The following TIAM1 variants were observed in gnomAD, a reference collection of about 807,000 sequenced individuals.
The protein encoded by TIAM1 is TIAM Rac1 associated GEF 1.
In TIAM1, 65 loss-of-function variants were observed where a neutral mutation model predicts 163.5. The ratio of observed to expected loss-of-function variants is 0.40; its 90% CI spans 0.33 to 0.49. The LOEUF (loss-of-function observed/expected upper bound fraction) is 0.49, where lower values mean the gene tolerates loss of function less well. TIAM1 is among the 20% of genes least tolerant of loss of function. The pLI is 0.77. For missense variants in TIAM1, 1,789 were observed against 2,044.7 expected, an observed-to-expected ratio of 0.87 and a Z score of 2.41; for synonymous variants, 833 against 810.1, an observed-to-expected ratio of 1.03 and a Z score of -0.48.
At chr21:31,545,918 A>G (rs1601053713) in intron 1 of TIAM1, among the ~76,000 whole-genome samples, 1 of 152,244 alleles carries the variant, frequency 6.6e-6, no homozygotes, top group African/African-American at 2.4e-5. Flanking sequence ...AGTCACACCC[A>G]TTCAAAGATG....
At chr21:31,226,689 T>G (rs2087995836) in intron 6 of TIAM1, among the ~76,000 whole-genome samples, 1 of 152,216 alleles carries the variant, frequency 6.6e-6, no homozygotes, top group Non-Finnish European at 1.5e-5. Context: ...TCGCTATTAA[T>G]GATTCTTTAG....
chr21:31,461,470 A>G (rs1462271477), intron 2 of TIAM1, among the ~76,000 whole-genome samples: 1 of 152,078 alleles, frequency 6.6e-6, no homozygotes, highest in Non-Finnish European at 1.5e-5. Context: ...GGCAACAGAG[A>G]GAGGCCCTCT....
At chr21:31,201,286 C>T (rs1350500250) in intron 12 of TIAM1, among the ~76,000 whole-genome samples, 1 of 152,134 alleles carries the variant, frequency 6.6e-6, no homozygotes, top group Non-Finnish European at 1.5e-5. Context: ...GGCCTTTTCC[C>T]CAGGCCAGAA....
At position 31,182,527 on chromosome 21, in the gene TIAM1, G is replaced by A; in HGVS notation, c.2781C>T (p.Tyr927=). Residue 927 remains tyrosine (Y), a synonymous_variant, in exon 15 of 28, where the codon TAC becomes TAT. Coordinates refer to ENST00000541036, the MANE Select transcript of TIAM1 (RefSeq NM_001353694.2). ...GCTCCACTCCTTCCTCCAGCTCGGG[G>A]TAGGTCCTCACCAGGAGGCCCAGCG... The part of the protein sequence containing the change: ...QPSLGLLVRT[Y]PELEEGVELL... 6.2e-7 allele frequency: 1 copy of A among 1,613,974 alleles called. No individual in the cohort carries two copies. Among genetic ancestry groups the A allele is most frequent in the South Asian group, 1.1e-5 (1 of 91,016 alleles).
At chr21:31,422,994 G>T (rs1344298732) in intron 2 of TIAM1, among the ~76,000 whole-genome samples, 1 of 12,618 alleles carries the variant, frequency 7.9e-5, no homozygotes, top group Non-Finnish European at 1.5e-4. Flanking sequence ...TCTCTTTACT[G>T]TATCACTGTA....
chr21:31,245,762 TA>T, intron 5 of TIAM1, 102 bp from the exon 6 acceptor site: 1 of 1,135,704 alleles, frequency 8.8e-7, no homozygotes, highest in Non-Finnish European at 1.1e-6. Flanking sequence ...GGCTGAAAAT[TA>T]AAGCACGTGG....
intron 2 of TIAM1, among the ~76,000 whole-genome samples, chr21:31,315,099 C>T (rs949840304): frequency 6.6e-6 from 1 of 152,226 alleles, no homozygotes; most frequent in East Asian, 1.9e-4. Flanking sequence ...TGAGGCTGGG[C>T]GTGGTGGCTC....
chr21:31,190,048 A>AAGCTAAC (rs1387817128), intron 13 of TIAM1, among the ~76,000 whole-genome samples: 2 of 152,154 alleles, frequency 1.3e-5, no homozygotes, highest in African/African-American at 2.4e-5. Context: ...CAAATACAGG[A>AAGCTAAC]AGGGATCATG....
Position 31,238,435 on chromosome 21 carries a change from G to A in TIAM1, c.1584+7053C>T, listed in dbSNP as rs375954213. ...AAGGTTTTCAAAACTAAGATCCTAC[G>A]TTGTCACATATAAAAAAGTTTACCT... On this transcript the variant is annotated intron_variant, in intron 6 of 27. Coordinates refer to ENST00000541036, the MANE Select transcript of TIAM1 (RefSeq NM_001353694.2). Among the ~76,000 whole-genome samples, 23 of 152,210 alleles carry A rather than the reference G, an allele frequency of 1.5e-4. No homozygotes were observed. In the East Asian group the frequency reaches 4.1e-3, roughly 27 times the overall value.
At chr21:31,511,574 T>A (rs1289286840) in intron 1 of TIAM1, among the ~76,000 whole-genome samples, 2 of 152,154 alleles carry the variant, frequency 1.3e-5, no homozygotes, top group Admixed American at 6.5e-5. Flanking sequence ...TACGCAGCAA[T>A]CAATGCCTGG....
Position 31,200,643 on chromosome 21 carries a change from T to G in TIAM1, c.2493+2265A>C, listed in dbSNP as rs373947333. Among the ~76,000 whole-genome samples the G allele has an allele frequency of 5.3e-5, 8 of 152,238 alleles. No individual in the cohort carries two copies. The East Asian group carries it at 1.3e-3, about 26-fold the overall frequency. ...TATTAAGCCTTATAATTTAATAAGC[T>G]AATAAATAAGAACATATATTACCAA... On this transcript the variant is annotated intron_variant, in intron 12 of 27. Transcript: ENST00000541036.
At chr21:31,296,559 A>C (rs1342089627) in intron 2 of TIAM1, among the ~76,000 whole-genome samples, 4 of 152,278 alleles carry the variant, frequency 2.6e-5, no homozygotes, top group Non-Finnish European at 4.4e-5. Context: ...AGGTGCTGAC[A>C]CTCATGTCTC....
intron 2 of TIAM1, among the ~76,000 whole-genome samples, chr21:31,299,163 A>C (rs2074408801): frequency 6.6e-6 from 1 of 152,232 alleles, no homozygotes; most frequent in African/African-American, 2.4e-5. Context: ...TTTAAGACAA[A>C]GCAACAATTT....
intron 2 of TIAM1, among the ~76,000 whole-genome samples, chr21:31,421,937 T>A (rs971539381): frequency 6.6e-6 from 1 of 151,874 alleles, no homozygotes; most frequent in Non-Finnish European, 1.5e-5. Context: ...CTGCAGTGAG[T>A]TATAATCACA....
Position 31,492,057 on chromosome 21 carries a change from A to ATG in TIAM1, c.-421-28023_-421-28022insCA, listed in dbSNP as rs545378180. On this transcript the variant is annotated intron_variant, in intron 1 of 28. Coordinates refer to the TIAM1 transcript ENST00000286827. ...ATTACTTATATATGTGTGTATATAT[A>ATG]TATGTGATGTGTGTATATATGTATG... Among the ~76,000 whole-genome samples, 10 of 152,198 alleles carry ATG rather than the reference A, an allele frequency of 6.6e-5. No individual in the cohort carries two copies. In the South Asian group the frequency reaches 2.1e-3, roughly 32 times the overall value.
intron 10 of TIAM1, chr21:31,212,534 T>C (rs923791096): frequency 6.6e-6 from 1 of 151,434 alleles, no homozygotes; most frequent in Admixed American, 6.6e-5. Flanking sequence ...AGTATTTTTA[T>C]GGGCTTTCAA....
At chr21:31,223,989 A>T (rs1193128645) in intron 7 of TIAM1, among the ~76,000 whole-genome samples, 3 of 152,204 alleles carry the variant, frequency 2.0e-5, no homozygotes. Context: ...GGCTAGAAGC[A>T]ATGGACCAAG....
chr21:31,118,738 A>G lies in TIAM1; in HGVS notation c.*1630T>C, dbSNP rs2081895414. 9.9e-6 allele frequency: 4 copies of G among 405,468 alleles called. No individual in the cohort carries two copies. Among genetic ancestry groups the G allele is most frequent in the South Asian group, 7.3e-5 (4 of 54,742 alleles). The allele number at this position is 405,468 out of a possible 1,614,324, so 25.1% of individuals were successfully genotyped here. A position where few individuals can be genotyped will look rare whatever the true frequency, so the allele number is the denominator to read the frequency against. On this transcript the variant is annotated 3_prime_UTR_variant, in exon 28 of 28. Coordinates refer to ENST00000541036, the MANE Select transcript of TIAM1 (RefSeq NM_001353694.2). Reference sequence around the variant, plus strand: ...ATACAAAGGGTATAGAAACCATTCTAAAGCTTTTTCAGAAAACCAGAAGAT... The same window carrying G: ...ATACAAAGGGTATAGAAACCATTCTGAAGCTTTTTCAGAAAACCAGAAGAT...
intron 1 of TIAM1, among the ~76,000 whole-genome samples, chr21:31,547,861 G>A (rs1347919944): frequency 1.3e-5 from 2 of 152,150 alleles, no homozygotes; most frequent in Non-Finnish European, 2.9e-5. Flanking sequence ...GATGAGCTTT[G>A]CATGACACAG....
Sources: allele counts gnomAD v4.1 joint callset (sites outside exome capture counted in the v4.1 genomes callset), GRCh38; gene constraint gnomAD v4.1.1; transcripts MANE v1.5; gene names NCBI Gene and HGNC (gene_info 2026-07-23, HGNC 2026-07-21).